The following FOXJ3 variants were observed in gnomAD, a reference collection of about 807,000 sequenced individuals.
FOXJ3 encodes the protein forkhead box protein J3.
FOXJ3 carries 22 observed loss-of-function variants against 76.1 expected under a neutral mutation model. The observed-to-expected ratio is 0.29, with a 90% CI of 0.21 to 0.41. The LOEUF (loss-of-function observed/expected upper bound fraction) is 0.41. Among genes scored for constraint, FOXJ3 ranks in the 10% least tolerant of loss-of-function variants. FOXJ3 has a pLI of 1.00. For missense variants in FOXJ3, 613 were observed against 762.1 expected, an observed-to-expected ratio of 0.80 and a Z score of 2.30; for synonymous variants, 269 against 261.2, an observed-to-expected ratio of 1.03 and a Z score of -0.29.
intron 1 of FOXJ3, 132 bp from the exon 2 acceptor site, chr1:42,311,242 T>A (rs913965812): frequency 5.0e-6 from 3 of 604,454 alleles, no homozygotes; most frequent in Admixed American, 3.6e-5. Flanking sequence ...ACTAAAAGAA[T>A]CACCCCATCA....
intron 2 of FOXJ3, among the ~76,000 whole-genome samples, chr1:42,291,624 G>A (rs1203180216): frequency 6.6e-6 from 1 of 151,952 alleles, no homozygotes; most frequent in Non-Finnish European, 1.5e-5. Flanking sequence ...AACATCGCAA[G>A]AACTCATCTC....
rs1569786056 is a variant in FOXJ3 at position 42,188,924 on chromosome 1, C to T, written c.1458G>A (p.Leu486=). 1 of 1,590,816 alleles carries T rather than the reference C, an allele frequency of 6.3e-7. No homozygotes were observed. Among genetic ancestry groups the T allele is most frequent in the Non-Finnish European group, 8.6e-7 (1 of 1,165,346 alleles). ...SDVDLSQFQG[L]MESMRQADLK... is the part of the protein sequence containing the mutation. ...GATCTGCCTGTCTCATACTCTCCAT[C>T]AGACCTATGAGGAAAGCATTAAAAA... The change falls in exon 11 of 13, where the codon CTG becomes CTA. Residue 486 remains leucine, a synonymous_variant. Transcript: ENST00000361346.
At chr1:42,216,466 C>T (rs866674665) in intron 5 of FOXJ3, among the ~76,000 whole-genome samples, 1 of 150,554 alleles carries the variant, frequency 6.6e-6, no homozygotes, top group Non-Finnish European at 1.5e-5. Flanking sequence ...TGCAGTGAGC[C>T]GAGATCGCGC....
chr1:42,231,876 C>A (rs1648164892), intron 4 of FOXJ3, among the ~76,000 whole-genome samples: 1 of 152,084 alleles, frequency 6.6e-6, no homozygotes, highest in Admixed American at 6.6e-5. Flanking sequence ...TATACATGTG[C>A]CATGTTGGTG....
At chr1:42,205,341 T>A (rs1270179475) in intron 6 of FOXJ3, among the ~76,000 whole-genome samples, 1 of 152,212 alleles carries the variant, frequency 6.6e-6, no homozygotes, top group Admixed American at 6.5e-5. Context: ...TAGACCACCA[T>A]CCCAGTGAAC....
chr1:42,262,774 G>A (rs539630152), intron 4 of FOXJ3, among the ~76,000 whole-genome samples: 85 of 152,264 alleles, frequency 5.6e-4, no homozygotes, highest in East Asian at 1.3e-3. Flanking sequence ...GCTTAAACCC[G>A]GGAGACGGAG....
chr1:42,296,407 C>G (rs1426012179), intron 2 of FOXJ3, among the ~76,000 whole-genome samples: 2 of 152,180 alleles, frequency 1.3e-5, no homozygotes, highest in Non-Finnish European at 2.9e-5. Context: ...CCTAAGTTTT[C>G]TTCTAGGACT....
chr1:42,252,748 T>C (rs1211480491), intron 4 of FOXJ3, among the ~76,000 whole-genome samples: 1 of 152,176 alleles, frequency 6.6e-6, no homozygotes, highest in Admixed American at 6.5e-5. Context: ...TTTCCTGCTT[T>C]CTCTTGTGGG....
intron 1 of FOXJ3, among the ~76,000 whole-genome samples, chr1:42,321,735 C>T (rs1417993245): frequency 1.3e-5 from 2 of 152,032 alleles, no homozygotes; most frequent in African/African-American, 2.4e-5. Flanking sequence ...CTTTGGATAA[C>T]AGTGGGAGCC....
intron 2 of FOXJ3, among the ~76,000 whole-genome samples, chr1:42,304,525 A>C (rs1654344372): frequency 6.6e-6 from 1 of 152,174 alleles, no homozygotes; most frequent in South Asian, 2.1e-4. Context: ...ATAGTAACCA[A>C]AACAGTACGG....
In FOXJ3 at chr1:42,188,915, A is replaced by G. The variant is rs750313285; in HGVS notation, c.1467T>C (p.Ser489=). 34 of 1,603,640 alleles carry G rather than the reference A, an allele frequency of 2.1e-5. No individual in the cohort carries two copies. Among genetic ancestry groups the G allele is most frequent in the African/African-American group, 2.7e-5 (2 of 74,610 alleles). Residue 489 remains serine (S), a synonymous_variant, in exon 11 of 13, where the codon AGT becomes AGC. Coordinates refer to ENST00000361346, the MANE Select transcript of FOXJ3 (RefSeq NM_014947.5). ...AGTTCTTGAGATCTGCCTGTCTCAT[A>G]CTCTCCATCAGACCTATGAGGAAAG... is the stretch of plus-strand genomic sequence containing the variant. ...DLSQFQGLME[S]MRQADLKNWS...
intron 7 of FOXJ3, 113 bp downstream of exon 7, chr1:42,198,989 T>G: frequency 2.5e-6 from 2 of 802,024 alleles, no homozygotes; most frequent in Non-Finnish European, 4.0e-6. Context: ...GTTAATAAAT[T>G]TATTAGTGAG....
intron 9 of FOXJ3, 111 bp downstream of exon 9, chr1:42,191,192 G>C (rs2124193824): frequency 1.0e-6 from 1 of 981,458 alleles, no homozygotes; most frequent in African/African-American, 1.6e-5. Context: ...ATTATAGCAA[G>C]GAAACAGATG....
At chr1:42,323,658 G>A in intron 1 of FOXJ3, 1 of 965,762 alleles carries the variant, frequency 1.0e-6, no homozygotes. Context: ...CCCATTTCTT[G>A]CTAAGAGACT....
chr1:42,189,001 A>AT (rs1338770063), intron 10 of FOXJ3, 73 bp from the exon 11 acceptor site: 4 of 1,016,850 alleles, frequency 3.9e-6, no homozygotes, highest in African/African-American at 3.3e-5. Context: ...GCAAGACATA[A>AT]TTTTTTTCAG....
chr1:42,328,417 G>A (rs928496211), intron 1 of FOXJ3, among the ~76,000 whole-genome samples: 1 of 152,176 alleles, frequency 6.6e-6, no homozygotes, highest in South Asian at 2.1e-4. Flanking sequence ...CTCTAAGTTT[G>A]AGTCCCACTC....
At chr1:42,243,832 C>T (rs557352780) in intron 4 of FOXJ3, among the ~76,000 whole-genome samples, 5 of 152,298 alleles carry the variant, frequency 3.3e-5, no homozygotes, top group East Asian at 1.9e-4. Flanking sequence ...ACCTAAAAAA[C>T]GTCTACCGAA....
At chr1:42,245,399 T>C (rs1453470073) in intron 4 of FOXJ3, among the ~76,000 whole-genome samples, 1 of 152,136 alleles carries the variant, frequency 6.6e-6, no homozygotes, top group Non-Finnish European at 1.5e-5. Flanking sequence ...ATCTCTGATG[T>C]TCACAGACAC....
chr1:42,284,164 A>T (rs1470222452), intron 2 of FOXJ3, among the ~76,000 whole-genome samples: 3 of 152,198 alleles, frequency 2.0e-5, no homozygotes, highest in Non-Finnish European at 4.4e-5. Flanking sequence ...TTCCTAACAT[A>T]GAGAATTTAG....
Sources: allele counts gnomAD v4.1 joint callset (sites outside exome capture counted in the v4.1 genomes callset), GRCh38; gene constraint gnomAD v4.1.1; transcripts MANE v1.5; gene names NCBI Gene and HGNC (gene_info 2026-07-23, HGNC 2026-07-21).